Variants in CORIN observed in about 807,000 individuals in gnomAD.
CORIN encodes the protein atrial natriuretic peptide-converting enzyme.
Under a neutral mutation model 125.3 loss-of-function variants are expected in CORIN, and 117 were observed. The ratio of observed to expected loss-of-function variants is 0.93; its 90% CI spans 0.80 to 1.09. The LOEUF (loss-of-function observed/expected upper bound fraction) is 1.09. Among genes scored for constraint, CORIN ranks in the 50% least tolerant of loss-of-function variants. The pLI is 0.00. For synonymous variants in CORIN, 450 were observed against 466.4 expected, an observed-to-expected ratio of 0.96 and a Z score of 0.45; for missense variants, 1,253 against 1,306.7, an observed-to-expected ratio of 0.96 and a Z score of 0.63.
chr4:47,606,066 GAT>G (rs1424894414), intron 19 of CORIN, among the ~76,000 whole-genome samples: 1 of 152,090 alleles, frequency 6.6e-6, no homozygotes, highest in African/African-American at 2.4e-5. Context: ...GAGAGATAGA[GAT>G]ATATAGCAAT....
chr4:47,607,745 A>G (rs1030850804), intron 19 of CORIN, among the ~76,000 whole-genome samples: 1 of 152,180 alleles, frequency 6.6e-6, no homozygotes, highest in East Asian at 1.9e-4. Flanking sequence ...AAGGAGGACA[A>G]TTTCAGGCTA....
chr4:47,761,240 G>A (rs972749734), intron 4 of CORIN, among the ~76,000 whole-genome samples: 5 of 152,116 alleles, frequency 3.3e-5, no homozygotes, highest in Admixed American at 6.6e-5. Context: ...CTTTCAACAC[G>A]CCTTCCTCAC....
At chr4:47,672,295 T>G (rs1248259659) in intron 10 of CORIN, among the ~76,000 whole-genome samples, 1 of 152,194 alleles carries the variant, frequency 6.6e-6, no homozygotes. Context: ...CAATTTATTC[T>G]TTTGACAGGA....
intron 13 of CORIN, among the ~76,000 whole-genome samples, chr4:47,650,930 T>C (rs1249833581): frequency 6.6e-6 from 1 of 152,240 alleles, no homozygotes; most frequent in Non-Finnish European, 1.5e-5. Flanking sequence ...TTTCAACTCT[T>C]GTTTACATTG....
At chr4:47,773,274 G>A (rs1730142768) in intron 3 of CORIN, among the ~76,000 whole-genome samples, 1 of 152,086 alleles carries the variant, frequency 6.6e-6, no homozygotes, top group South Asian at 2.1e-4. Context: ...GTTCAATAAG[G>A]AAAGGATTTA....
intron 1 of CORIN, among the ~76,000 whole-genome samples, chr4:47,833,442 T>C (rs1265704179): frequency 6.7e-6 from 1 of 150,034 alleles, no homozygotes; most frequent in Non-Finnish European, 1.5e-5. Flanking sequence ...AACTGTAAAA[T>C]TTCTGAAAGA....
intron 13 of CORIN, among the ~76,000 whole-genome samples, chr4:47,648,329 CA>C (rs1723580637): frequency 6.6e-6 from 1 of 152,154 alleles, no homozygotes; most frequent in Admixed American, 6.5e-5. Context: ...ATTGAGGATA[CA>C]GTGTTCCAAA....
chr4:47,822,143 T>C (rs1432924554), intron 1 of CORIN, among the ~76,000 whole-genome samples: 1 of 152,218 alleles, frequency 6.6e-6, no homozygotes, highest in Non-Finnish European at 1.5e-5. Context: ...AAATATCTCC[T>C]GAAATTATTA....
intron 1 of CORIN, among the ~76,000 whole-genome samples, chr4:47,833,521 CAAAAAAAA>C: frequency 8.7e-6 from 1 of 115,030 alleles, no homozygotes; most frequent in African/African-American, 3.5e-5. Context: ...AAAGCATAGG[CAAAAAAAA>C]AAAAAAAAAA....
intron 1 of CORIN, among the ~76,000 whole-genome samples, chr4:47,807,784 G>A (rs1353973917): frequency 6.6e-6 from 1 of 152,090 alleles, no homozygotes; most frequent in Non-Finnish European, 1.5e-5. Context: ...AATGATATCT[G>A]GAAATTCATT....
intron 5 of CORIN, among the ~76,000 whole-genome samples, chr4:47,710,039 TAAGTCTG>T (rs890693911): frequency 6.6e-6 from 1 of 152,250 alleles, no homozygotes; most frequent in African/African-American, 2.4e-5. Context: ...CAGTTTTGTG[TAAGTCTG>T]AATTTTAAGT....
intron 2 of CORIN, among the ~76,000 whole-genome samples, chr4:47,798,132 C>A (rs866073223): frequency 2.0e-5 from 3 of 152,154 alleles, no homozygotes; most frequent in Middle Eastern, 3.2e-3. Context: ...GTAGCTCTAG[C>A]TTCAGTTTAG....
chr4:47,664,900 T>A, intron 11 of CORIN, 132 bp downstream of exon 11: 1 of 563,228 alleles, frequency 1.8e-6, no homozygotes. Context: ...TTGTCTCACT[T>A]GTTAAATATA....
chr4:47,730,670 G>C (rs1727837303), intron 5 of CORIN, among the ~76,000 whole-genome samples: 1 of 152,146 alleles, frequency 6.6e-6, no homozygotes, highest in Admixed American at 6.5e-5. Flanking sequence ...CATGTGCTGA[G>C]AGGGGAATCA....
intron 16 of CORIN, among the ~76,000 whole-genome samples, chr4:47,629,632 TTGAG>T (rs1329605965): frequency 2.6e-5 from 4 of 152,184 alleles, no homozygotes; most frequent in Non-Finnish European, 1.5e-5. Flanking sequence ...TAAATAGTGT[TTGAG>T]TATCTTTGTC....
chr4:47,706,441 A>G, intron 5 of CORIN: 3 of 1,610,492 alleles, frequency 1.9e-6, no homozygotes, highest in Non-Finnish European at 2.5e-6. Context: ...CTTTCTTCTG[A>G]GGGTCCGCTG....
chr4:47,731,973 G>A (rs1727896938), intron 5 of CORIN, among the ~76,000 whole-genome samples: 1 of 152,120 alleles, frequency 6.6e-6, no homozygotes, highest in African/African-American at 2.4e-5. Context: ...GGAGATGTGG[G>A]GACAAAGGAG....
intron 2 of CORIN, among the ~76,000 whole-genome samples, chr4:47,799,840 G>A (rs561387313): frequency 4.5e-4 from 69 of 152,066 alleles, no homozygotes; most frequent in Non-Finnish European, 8.1e-4. Context: ...CCAAAAGGTG[G>A]AAATAACCCA....
At chr4:47,714,380 T>C (rs1192957719) in intron 5 of CORIN, among the ~76,000 whole-genome samples, 1 of 152,232 alleles carries the variant, frequency 6.6e-6, no homozygotes, top group Non-Finnish European at 1.5e-5. Flanking sequence ...ATTAGATTTC[T>C]GGAATTTTAC....
Sources: allele counts gnomAD v4.1 joint callset (sites outside exome capture counted in the v4.1 genomes callset), GRCh38; gene constraint gnomAD v4.1.1; transcripts MANE v1.5; gene names NCBI Gene and HGNC (gene_info 2026-07-23, HGNC 2026-07-21).